The following SPMIP6 variants were observed in gnomAD, a reference collection of about 807,000 sequenced individuals.
SPMIP6 encodes the protein ciliated bronchial epithelial protein 1.
At chr9:34,385,837 G>A in the SPMIP6 span, 1 of 1,558,192 alleles carries the variant, frequency 6.4e-7, no homozygotes, top group Non-Finnish European at 8.7e-7. Flanking sequence ...CAGCCCTGGG[G>A]TCTTGCTGGA....
chr9:34,379,560 C>A, the SPMIP6 span: 8 of 1,207,778 alleles, frequency 6.6e-6, no homozygotes, highest in African/African-American at 1.2e-4. This position sits in a 1 kb window ranked among gnomAD's most constrained non-coding sequence, Gnocchi z 4.2. Flanking sequence ...GCGTTCTCAT[C>A]CCGTCTACCA....
chr9:34,380,905 CG>C, the SPMIP6 span: 1 of 1,575,580 alleles, frequency 6.3e-7, no homozygotes, highest in Non-Finnish European at 8.6e-7. Context: ...ACCTTACAGT[CG>C]GTTGCTCCCG....
At chr9:34,393,567 G>A in the SPMIP6 span, among the ~76,000 whole-genome samples, 1 of 152,092 alleles carries the variant, frequency 6.6e-6, no homozygotes, top group Non-Finnish European at 1.5e-5. Flanking sequence ...ATTGTGAGGT[G>A]CCTAACTGTG....
chr9:34,394,118 C>T, the SPMIP6 span, among the ~76,000 whole-genome samples: 1 of 152,126 alleles, frequency 6.6e-6, no homozygotes, highest in South Asian at 2.1e-4. Flanking sequence ...AGCCACTATG[C>T]CTGGCCAGAT....
At chr9:34,387,206 G>T in the SPMIP6 span, among the ~76,000 whole-genome samples, 17 of 151,852 alleles carry the variant, frequency 1.1e-4, no homozygotes, top group Non-Finnish European at 2.4e-4. Context: ...TCACCATGTT[G>T]CCCAGGCTGG....
chr9:34,394,924 C>G, the SPMIP6 span, among the ~76,000 whole-genome samples: 1 of 151,600 alleles, frequency 6.6e-6, no homozygotes, highest in Non-Finnish European at 1.5e-5. Context: ...TTCAGAGTTT[C>G]TAGACCACCA....
At chr9:34,379,544 C>G in the SPMIP6 span, 1 of 1,047,968 alleles carries the variant, frequency 9.5e-7, no homozygotes, top group South Asian at 1.3e-5. This position sits in a 1 kb window ranked among gnomAD's most constrained non-coding sequence, Gnocchi z 4.2. Context: ...GTCAGTGCAC[C>G]GCGGAGCGTT....
At chr9:34,394,024 G>T in the SPMIP6 span, among the ~76,000 whole-genome samples, 1 of 152,006 alleles carries the variant, frequency 6.6e-6, no homozygotes, top group Non-Finnish European at 1.5e-5. Flanking sequence ...GTCTCACTAT[G>T]TTGCCTAGGC....
At chr9:34,390,050 C>G in the SPMIP6 span, 41 of 151,924 alleles carry the variant, frequency 2.7e-4, no homozygotes, top group African/African-American at 9.4e-4. Flanking sequence ...CTTGGACCAG[C>G]CAATTTGTAG....
chr9:34,380,928 G>T, the SPMIP6 span: 2 of 1,596,648 alleles, frequency 1.3e-6, no homozygotes, highest in Non-Finnish European at 8.5e-7. Context: ...CACCAAGGCC[G>T]CAGGCGGCGG....
At chr9:34,396,872 C>G in the SPMIP6 span, among the ~76,000 whole-genome samples, 46 of 152,314 alleles carry the variant, frequency 3.0e-4, no homozygotes, top group Admixed American at 1.2e-3. Context: ...GGGTTGCCTA[C>G]AGATGAAGAT....
chr9:34,394,752 G>C, the SPMIP6 span, among the ~76,000 whole-genome samples: 2 of 152,128 alleles, frequency 1.3e-5, no homozygotes, highest in Non-Finnish European at 2.9e-5. Flanking sequence ...CTTTCAGCTA[G>C]TTTAAGGCTT....
the SPMIP6 span, among the ~76,000 whole-genome samples, chr9:34,392,793 A>G: frequency 6.6e-6 from 1 of 152,188 alleles, no homozygotes; most frequent in South Asian, 2.1e-4. This position sits in a 1 kb window ranked among gnomAD's most constrained non-coding sequence, Gnocchi z 4.6. Context: ...CTCACTGCCT[A>G]CAACAATGAT....
At chr9:34,386,402 TGGCTAACATGGTGAAATCCC>T in the SPMIP6 span, among the ~76,000 whole-genome samples, 3 of 152,068 alleles carry the variant, frequency 2.0e-5, no homozygotes, top group African/African-American at 7.2e-5. Flanking sequence ...GAGACTATCC[TGGCTAACATGGTGAAATCCC>T]GTCTCTACTA....
At chr9:34,380,627 A>G in the SPMIP6 span, 1 of 1,509,098 alleles carries the variant, frequency 6.6e-7, no homozygotes. Flanking sequence ...TCCAGAGCAT[A>G]TAGAGAGGCC....
At chr9:34,388,493 C>T in the SPMIP6 span, among the ~76,000 whole-genome samples, 11 of 152,176 alleles carry the variant, frequency 7.2e-5, no homozygotes, top group African/African-American at 2.4e-4. Context: ...TTATTTTTGC[C>T]TTGGCCCTGT....
At chr9:34,382,454 G>A in the SPMIP6 span, among the ~76,000 whole-genome samples, 6 of 152,098 alleles carry the variant, frequency 3.9e-5, no homozygotes, top group Admixed American at 2.0e-4. Context: ...ATGTGATGGC[G>A]CATGCCTGTA....
At chr9:34,395,247 C>G in the SPMIP6 span, among the ~76,000 whole-genome samples, 1 of 152,106 alleles carries the variant, frequency 6.6e-6, no homozygotes, top group Admixed American at 6.5e-5. Flanking sequence ...GATTACTGGC[C>G]TGAGACACCA....
At chr9:34,383,683 AATT>A in the SPMIP6 span, among the ~76,000 whole-genome samples, 1 of 152,214 alleles carries the variant, frequency 6.6e-6, no homozygotes, top group Non-Finnish European at 1.5e-5. Context: ...TCAGTTTTAC[AATT>A]ATTATCTGTG....
Sources: allele counts gnomAD v4.1 joint callset (sites outside exome capture counted in the v4.1 genomes callset), GRCh38; gene constraint gnomAD v4.1.1; non-coding constraint Gnocchi (gnomAD v3.1); transcripts MANE v1.5; gene names NCBI Gene and HGNC (gene_info 2026-07-23, HGNC 2026-07-21).